The following MGA variants were observed in gnomAD, a reference collection of about 807,000 sequenced individuals.
MGA encodes MAX gene-associated protein.
MGA carries 40 observed loss-of-function variants against 261.1 expected under a neutral mutation model. The observed-to-expected ratio is 0.15, with a 90% CI of 0.12 to 0.20. The LOEUF is 0.20. MGA is among the 10% of genes least tolerant of loss of function. The pLI is 1.00. For missense variants in MGA, 3,397 were observed against 3,630.5 expected (o/e 0.94, Z 1.65); for synonymous variants, 1,302 against 1,290.6 (o/e 1.01, Z -0.19).
chr15:41,686,111 T>C (rs1344382613), intron 2 of MGA, among the ~76,000 whole-genome samples: 2 of 152,166 alleles, frequency 1.3e-5, no homozygotes, highest in Non-Finnish European at 1.5e-5. Context: ...TTTCTACATG[T>C]ACAGTGTTAC....
chr15:41,761,127 C>G (rs775631650), intron 20 of MGA, among the ~76,000 whole-genome samples: 1 of 152,158 alleles, frequency 6.6e-6, no homozygotes, highest in Non-Finnish European at 1.5e-5. Flanking sequence ...GTCAGAAACT[C>G]TGGTTAGCCA....
chr15:41,703,388 C>T (rs910935950), intron 5 of MGA, among the ~76,000 whole-genome samples: 2 of 145,620 alleles, frequency 1.4e-5, no homozygotes, highest in Admixed American at 6.9e-5. Flanking sequence ...CCACTCCCCA[C>T]CCTCCCTTTC....
At chr15:41,698,727 T>G in intron 3 of MGA, 136 bp from the exon 4 acceptor site, 1 of 619,980 alleles carries the variant, frequency 1.6e-6, no homozygotes, top group South Asian at 2.4e-5. Flanking sequence ...AAATTGCTCC[T>G]GTTCTGCCAA....
chr15:41,676,215 C>T (rs2058367273), intron 2 of MGA, among the ~76,000 whole-genome samples: 1 of 151,966 alleles, frequency 6.6e-6, no homozygotes, highest in Non-Finnish European at 1.5e-5. Context: ...CGAAGTCTCG[C>T]ACTGTTGTGC....
chr15:41,755,164 A>T (rs1399963107), intron 18 of MGA, among the ~76,000 whole-genome samples: 1 of 152,188 alleles, frequency 6.6e-6, no homozygotes, highest in Non-Finnish European at 1.5e-5. Context: ...TAAGCCTTAT[A>T]TTGATTATGG....
intron 2 of MGA, among the ~76,000 whole-genome samples, chr15:41,689,944 A>G (rs1316029324): frequency 6.6e-6 from 1 of 152,192 alleles, no homozygotes; most frequent in Non-Finnish European, 1.5e-5. Context: ...AATCTACATA[A>G]AATTCACCTA....
At chr15:41,624,107 C>G (rs371530966) in intron 1 of MGA, among the ~76,000 whole-genome samples, 1 of 151,466 alleles carries the variant, frequency 6.6e-6, no homozygotes, top group Non-Finnish European at 1.5e-5. Flanking sequence ...CTCTGTGGCC[C>G]AGGCTGGAGT....
chr15:41,627,525 G>T (rs1183872171), intron 1 of MGA, among the ~76,000 whole-genome samples: 1 of 152,202 alleles, frequency 6.6e-6, no homozygotes, highest in Non-Finnish European at 1.5e-5. Context: ...CTATTGATGT[G>T]ACCTTGATCA....
chr15:41,691,991 G>C (rs866319324), intron 2 of MGA, among the ~76,000 whole-genome samples: 2 of 151,146 alleles, frequency 1.3e-5, no homozygotes, highest in Middle Eastern at 3.4e-3. Flanking sequence ...GAAGATTTTT[G>C]TTCATTTTCT....
intron 7 of MGA, among the ~76,000 whole-genome samples, chr15:41,708,969 C>A (rs1184867136): frequency 6.6e-6 from 1 of 152,182 alleles, no homozygotes; most frequent in Non-Finnish European, 1.5e-5. Context: ...TTCCAAAATA[C>A]TTTTCTCACC....
Position 41,762,217 on chromosome 15 carries a change from G to A in MGA, c.7599G>A (p.Met2533Ile), listed in dbSNP as rs754199199. ...AGGCACAAAAAAGAAAAAAGAAGATGGGATCAGATGAGTTTGACATATCTC... is the reference window on the plus strand; with the variant it reads ...AGGCACAAAAAAGAAAAAAGAAGATAGGATCAGATGAGTTTGACATATCTC... Residue 2533 changes from methionine to isoleucine, a missense_variant, in exon 22 of 24, where the codon ATG becomes ATA. Physicochemically the swap from Met to Ile is conservative, Grantham distance 10. This residue lies in a region of MGA where 647 missense variants were observed against 642.4 expected (regional missense o/e 1.01). Coordinates refer to ENST00000219905, the MANE Select transcript of MGA (RefSeq NM_001164273.2). 5.0e-6 allele frequency: 8 copies of A among 1,613,920 alleles called. No homozygotes were observed. In the South Asian group the frequency reaches 7.7e-5, roughly 16 times the overall value.
At chr15:41,628,035 G>T (rs1366956795) in intron 1 of MGA, among the ~76,000 whole-genome samples, 1 of 152,106 alleles carries the variant, frequency 6.6e-6, no homozygotes, top group Admixed American at 6.6e-5. Flanking sequence ...CAAAGTCCAT[G>T]CCCTCATGGA....
rs61754768 is a variant in MGA at position 41,749,584 on chromosome 15, G to A, written c.5977G>A (p.Val1993Ile). The A allele has an allele frequency of 8.7e-6, 14 of 1,613,794 alleles. No homozygotes were observed. In the South Asian group the frequency reaches 1.1e-4, roughly 13 times the overall value. Residue 1993 changes from valine to isoleucine, a missense_variant, in exon 17 of 24, where the codon GTT (valine) becomes ATT (isoleucine). Around this residue, in one of 9 missense-constraint regions of MGA, gnomAD observed 1,410 missense variants for 1,386.4 expected, o/e 1.02. Coordinates refer to ENST00000219905, the MANE Select transcript of MGA (RefSeq NM_001164273.2). ...AAAAAGAGAGCAAGAAACGAAGAAG[G>A]TTCTACAGTCAGAAGGAGAGGCTGT...
chr15:41,699,117 A>T lies in MGA; in HGVS notation c.2146A>T (p.Thr716Ser), dbSNP rs2178004. 0.81 allele frequency: 1,308,848 copies of T among 1,610,922 alleles called. 535,203 individuals carry two copies. The highest frequency in any genetic ancestry group is 0.89 in the East Asian group (39,977 of 44,808). ...AAAGGAATTGATAGAAGATTTGAAG[A>T]CTTTGCGGCACAAGCAGGTGATACA... The change falls in exon 5 of 24, where the codon ACT becomes TCT. Residue 716 changes from threonine to serine, a missense_variant. By Grantham distance (58) the Thr-to-Ser change is moderately conservative. Coordinates refer to ENST00000219905, the MANE Select transcript of MGA (RefSeq NM_001164273.2).
intron 15 of MGA, among the ~76,000 whole-genome samples, chr15:41,745,772 T>C: frequency 8.6e-6 from 1 of 115,608 alleles, no homozygotes; most frequent in South Asian, 2.9e-4. Context: ...ACCTGGTTAA[T>C]TTTTTTGATT....
At chr15:41,677,465 A>G (rs2058446533) in intron 2 of MGA, among the ~76,000 whole-genome samples, 1 of 152,210 alleles carries the variant, frequency 6.6e-6, no homozygotes, top group Non-Finnish European at 1.5e-5. Flanking sequence ...GTATATACCT[A>G]GAAGTAGAAT....
chr15:41,685,167 C>T (rs1169959942), intron 2 of MGA, among the ~76,000 whole-genome samples: 2 of 152,090 alleles, frequency 1.3e-5, no homozygotes, highest in African/African-American at 2.4e-5. Flanking sequence ...GGTCAGGGTT[C>T]GTATTTTTCC....
At chr15:41,670,540 C>G (rs1404250634) in intron 2 of MGA, among the ~76,000 whole-genome samples, 1 of 152,144 alleles carries the variant, frequency 6.6e-6, no homozygotes, top group Non-Finnish European at 1.5e-5. Context: ...GAGTCTCGCT[C>G]TGTCGCCCAG....
At chr15:41,649,819 A>G (rs2057005429) in intron 1 of MGA, among the ~76,000 whole-genome samples, 1 of 152,192 alleles carries the variant, frequency 6.6e-6, no homozygotes, top group Non-Finnish European at 1.5e-5. Flanking sequence ...AGCTGGAATT[A>G]CAAGCACCCG....
Sources: gnomAD v4.1 joint callset for allele counts (sites outside exome capture counted in the v4.1 genomes callset) on GRCh38, gnomAD v4.1.1 for gene constraint, gnomAD v4.1.1 regional missense constraint, MANE v1.5 for transcripts, NCBI Gene and HGNC (gene_info 2026-07-23, HGNC 2026-07-21) for gene names.